The following DCC variants were observed in gnomAD, a reference collection of about 807,000 sequenced individuals.
DCC encodes the protein DCC netrin 1 receptor.
A neutral mutation model predicts 172.5 loss-of-function variants in DCC; 58 were observed. That is an observed-to-expected ratio of 0.34 (90% CI 0.27 to 0.42). DCC has a LOEUF of 0.42. DCC is among the 10% of genes least tolerant of loss of function. The pLI is 1.00. For missense variants in DCC, 1,740 were observed against 1,791.0 expected (o/e 0.97, Z 0.51); for synonymous variants, 709 against 644.5 (o/e 1.10, Z -1.52).
At chr18:52,872,145 T>A (rs1322554126) in intron 2 of DCC, among the ~76,000 whole-genome samples, 2 of 152,124 alleles carry the variant, frequency 1.3e-5, no homozygotes, top group South Asian at 4.1e-4. Context: ...CAAAGAGGGA[T>A]TATCCCCGCT....
chr18:52,954,047 T>C (rs1225648503), intron 5 of DCC, among the ~76,000 whole-genome samples: 2 of 152,210 alleles, frequency 1.3e-5, no homozygotes, highest in African/African-American at 4.8e-5. Context: ...ACAGGGATCT[T>C]TGAATTCTTA....
intron 7 of DCC, among the ~76,000 whole-genome samples, chr18:53,089,588 CAAAAAACAAAAAACA>C (rs1456015856): frequency 7.9e-6 from 1 of 125,834 alleles, no homozygotes; most frequent in Non-Finnish European, 1.7e-5. Flanking sequence ...AAAAAAAAAC[CAAAAAACAAAAAACA>C]AAAAACAAAA....
chr18:53,429,372 G>T (rs760963542), intron 21 of DCC, among the ~76,000 whole-genome samples: 1 of 148,642 alleles, frequency 6.7e-6, no homozygotes, highest in Non-Finnish European at 1.5e-5. Flanking sequence ...GTTTAAATTT[G>T]TCTAGGATAC....
At chr18:53,144,973 A>G (rs1292491042) in intron 7 of DCC, among the ~76,000 whole-genome samples, 1 of 151,984 alleles carries the variant, frequency 6.6e-6, no homozygotes, top group East Asian at 1.9e-4. Flanking sequence ...GTATTATGCT[A>G]TCTTTAGAAC....
chr18:52,524,410 C>T (rs894545095), intron 1 of DCC, among the ~76,000 whole-genome samples: 3 of 152,132 alleles, frequency 2.0e-5, no homozygotes, highest in African/African-American at 7.2e-5. Context: ...AAAAGTATAA[C>T]TGCATTTCCC....
intron 1 of DCC, among the ~76,000 whole-genome samples, chr18:52,691,894 C>A (rs2035935392): frequency 1.3e-5 from 2 of 152,260 alleles, no homozygotes; most frequent in Non-Finnish European, 2.9e-5. Context: ...TTATAACTGA[C>A]CTGGCTTTTT....
At chr18:53,147,685 T>C (rs2043936539) in intron 7 of DCC, among the ~76,000 whole-genome samples, 1 of 152,186 alleles carries the variant, frequency 6.6e-6, no homozygotes, top group Non-Finnish European at 1.5e-5. Context: ...ATCCTGTCTA[T>C]CTGAAACACA....
rs2145133189 is a variant in DCC at position 52,752,307 on chromosome 18, C to T, written c.345C>T (p.Tyr115=). 1.2e-6 allele frequency: 2 copies of T among 1,614,156 alleles called. No individual in the cohort carries two copies. Among genetic ancestry groups the T allele is most frequent in the Non-Finnish European group, 1.7e-6 (2 of 1,180,032 alleles). Residue 115 remains tyrosine, a synonymous_variant, in exon 2 of 29, where the codon TAC becomes TAT. Coordinates refer to ENST00000442544, the MANE Select transcript of DCC (RefSeq NM_005215.4). Reference sequence around the variant, plus strand: ...ACCACAAGCCAGATGAGGGACTTTACCAATGTGAGGCATCTTTAGGAGATT... The same window carrying T: ...ACCACAAGCCAGATGAGGGACTTTATCAATGTGAGGCATCTTTAGGAGATT... ...SRHHKPDEGL[Y]QCEASLGDSG...
chr18:52,608,356 G>T (rs1336820456), intron 1 of DCC, among the ~76,000 whole-genome samples: 1 of 152,164 alleles, frequency 6.6e-6, no homozygotes, highest in Non-Finnish European at 1.5e-5. Context: ...TGCTAATAGT[G>T]AAAGAGAAGC....
intron 1 of DCC, among the ~76,000 whole-genome samples, chr18:52,365,173 A>G (rs1271005172): frequency 6.6e-6 from 1 of 152,208 alleles, no homozygotes; most frequent in Non-Finnish European, 1.5e-5. Context: ...TAATGAGATG[A>G]TGATGTTTAA....
At chr18:52,992,362 G>A (rs1441832762) in intron 5 of DCC, among the ~76,000 whole-genome samples, 1 of 152,172 alleles carries the variant, frequency 6.6e-6, no homozygotes, top group Non-Finnish European at 1.5e-5. Context: ...TTAGAATAGG[G>A]TGGATTTGTC....
At chr18:52,721,109 G>A (rs1047907112) in intron 1 of DCC, among the ~76,000 whole-genome samples, 2 of 152,150 alleles carry the variant, frequency 1.3e-5, no homozygotes, top group Non-Finnish European at 2.9e-5. Context: ...TGAGAGGTGG[G>A]CTGGGGCAGA....
Position 53,254,068 on chromosome 18 carries a change from A to G in DCC, c.1911+38471A>G, listed in dbSNP as rs1199673124. The stretch of plus-strand genomic sequence containing the variant: ...AACATCAGGAGAGTTGTAAAAGCTA[A>G]TGAGCCAAGGGATGTTTCCAGGGTT... On this transcript the variant is annotated intron_variant, in intron 12 of 28. Transcript: ENST00000442544. Among the ~76,000 whole-genome samples the G allele has an allele frequency of 1.3e-5, 2 of 152,196 alleles. 1 individual carries two copies. The highest frequency in any genetic ancestry group is 4.1e-4 in the South Asian group (2 of 4,824).
chr18:53,312,808 C>CA (rs551648972), intron 13 of DCC, among the ~76,000 whole-genome samples: 25,377 of 61,778 alleles, frequency 0.41, 7,321 homozygotes, highest in Non-Finnish European at 0.52. Context: ...GACACTGTCT[C>CA]AAAAAAAAAA....
In DCC at chr18:53,132,092, C is replaced by T. The variant is rs547262476; in HGVS notation, c.1262-25264C>T. Among the ~76,000 whole-genome samples, 11 of 149,946 alleles carry T rather than the reference C, an allele frequency of 7.3e-5. No individual in the cohort carries two copies. The East Asian group carries it at 2.0e-3, about 27-fold the overall frequency. On this transcript the variant is annotated intron_variant, in intron 7 of 28. Coordinates refer to ENST00000442544, the MANE Select transcript of DCC (RefSeq NM_005215.4). ...TTTATAGTGAAAGTGTGTCTTCTCGCTTTATTTATATACTTATAGAATCAT... is the reference window on the plus strand; with the variant it reads ...TTTATAGTGAAAGTGTGTCTTCTCGTTTTATTTATATACTTATAGAATCAT...
chr18:53,478,129 G>T (rs2045788666), intron 25 of DCC, among the ~76,000 whole-genome samples: 1 of 152,206 alleles, frequency 6.6e-6, no homozygotes, highest in African/African-American at 2.4e-5. Flanking sequence ...GGGTGGGATT[G>T]AACTGGTGAT....
At chr18:52,735,739 T>G (rs567242462) in intron 1 of DCC, among the ~76,000 whole-genome samples, 2 of 152,224 alleles carry the variant, frequency 1.3e-5, no homozygotes, top group South Asian at 4.1e-4. Flanking sequence ...GCTGATTAGA[T>G]GGTGCCCAGC....
chr18:52,856,625 CAAA>C (rs11426617), intron 2 of DCC, among the ~76,000 whole-genome samples: 8 of 83,006 alleles, frequency 9.6e-5, no homozygotes, highest in African/African-American at 2.7e-4. Flanking sequence ...GACTCCATCT[CAAA>C]AAAAAAAAAA....
chr18:53,180,459 C>G (rs2055177214), intron 9 of DCC, among the ~76,000 whole-genome samples: 3 of 152,076 alleles, frequency 2.0e-5, no homozygotes, highest in Admixed American at 2.0e-4. Flanking sequence ...AATAAAAACA[C>G]AGGGGCACAT....
Sources: gnomAD v4.1 joint callset for allele counts (sites outside exome capture counted in the v4.1 genomes callset) on GRCh38, gnomAD v4.1.1 for gene constraint, MANE v1.5 for transcripts, NCBI Gene and HGNC (gene_info 2026-07-23, HGNC 2026-07-21) for gene names.